The following NRG1 variants were observed in gnomAD, a reference collection of about 807,000 sequenced individuals.
NRG1 encodes pro-neuregulin-1, membrane-bound isoform.
Under a neutral mutation model 63.8 loss-of-function variants are expected in NRG1, and 18 were observed. That is an observed-to-expected ratio of 0.28 (90% confidence interval 0.19 to 0.42). NRG1 has a LOEUF of 0.42. Among genes scored for constraint, NRG1 ranks in the 10% least tolerant of loss-of-function variants. NRG1 has a pLI of 1.00. For missense variants in NRG1, 762 were observed against 814.7 expected (o/e 0.94, Z 0.79); for synonymous variants, 302 against 301.3 (o/e 1.00, Z -0.02).
At chr8:32,116,254 A>G (rs1832697870) in intron 1 of NRG1, among the ~76,000 whole-genome samples, 1 of 152,030 alleles carries the variant, frequency 6.6e-6, no homozygotes, top group Admixed American at 6.6e-5. Flanking sequence ...TTTGTCTTTC[A>G]GCACTTGGGG....
At chr8:32,431,941 G>A (rs1818201074) in intron 1 of NRG1, among the ~76,000 whole-genome samples, 1 of 152,154 alleles carries the variant, frequency 6.6e-6, no homozygotes, top group South Asian at 2.1e-4. Context: ...AAATGTCACA[G>A]GGAAAAGGTG....
At chr8:32,614,585 A>G in intron 4 of NRG1, 21 bp downstream of exon 4, 1 of 1,609,194 alleles carries the variant, frequency 6.2e-7, no homozygotes, top group Non-Finnish European at 8.5e-7. Flanking sequence ...TAAGCCTGGC[A>G]AATTTTACTA....
chr8:32,614,555 G>C (rs1165656574), exon 4 of NRG1: 1 of 1,611,746 alleles, frequency 6.2e-7, no homozygotes, highest in Non-Finnish European at 8.5e-7. Flanking sequence ...AGGAGCATAT[G>C]TGTCTTCAGG....
At chr8:31,682,496 C>T (rs1808440215) in intron 1 of NRG1, among the ~76,000 whole-genome samples, 1 of 152,114 alleles carries the variant, frequency 6.6e-6, no homozygotes, top group African/African-American at 2.4e-5. Flanking sequence ...ACTATATACA[C>T]ACATTGTACT....
At chr8:32,683,594 T>C (rs1809288715) in intron 5 of NRG1, among the ~76,000 whole-genome samples, 1 of 152,152 alleles carries the variant, frequency 6.6e-6, no homozygotes, top group Non-Finnish European at 1.5e-5. Flanking sequence ...CCTGCAATTC[T>C]GCCAGGAGAA....
intron 5 of NRG1, chr8:32,648,178 A>G: frequency 6.2e-7 from 1 of 1,614,102 alleles, no homozygotes; most frequent in Non-Finnish European, 8.5e-7. Context: ...AGTGAGGTTC[A>G]AGTTACAGTG....
intron 1 of NRG1, among the ~76,000 whole-genome samples, chr8:31,690,334 C>T (rs924651273): frequency 6.6e-6 from 1 of 152,110 alleles, no homozygotes; most frequent in Non-Finnish European, 1.5e-5. Context: ...AGGAGTTAGT[C>T]ATGGGGTGTC....
chr8:31,822,311 G>A (rs907156762), intron 1 of NRG1, among the ~76,000 whole-genome samples: 6 of 152,090 alleles, frequency 3.9e-5, no homozygotes, highest in Non-Finnish European at 7.4e-5. Flanking sequence ...ATCTCTATGT[G>A]GATGCTCACA....
At chr8:32,145,913 C>T (rs115980247) in intron 1 of NRG1, among the ~76,000 whole-genome samples, 17 of 152,216 alleles carry the variant, frequency 1.1e-4, no homozygotes, top group African/African-American at 2.6e-4. Context: ...CATAAGATGC[C>T]GCATACTCTC....
rs1474202834 is a variant in NRG1, at chr8:32,159,441, G to A, written c.38-436387G>A. ...CCCAGCTACTCTGGAGGCTGAGGCAGGAGAATGGCGTGAACCCAGGAAGCG... is the reference window on the plus strand; with the variant it reads ...CCCAGCTACTCTGGAGGCTGAGGCAAGAGAATGGCGTGAACCCAGGAAGCG... On this transcript the variant is annotated intron_variant, in intron 1 of 10. Transcript: ENST00000519301. Among the ~76,000 whole-genome samples, 4 of 149,240 alleles carry A rather than the reference G, an allele frequency of 2.7e-5. No homozygotes were observed. The South Asian group carries it at 8.4e-4, about 31-fold the overall frequency.
At chr8:31,745,398 C>G (rs983387649) in intron 1 of NRG1, among the ~76,000 whole-genome samples, 14 of 151,790 alleles carry the variant, frequency 9.2e-5, no homozygotes, top group Non-Finnish European at 1.9e-4. Context: ...CTCGGTGGTT[C>G]AGATGTGGGT....
chr8:32,344,372 T>TTTTTTTTCTTTCTTTCTTTCTTCC, intron 1 of NRG1, among the ~76,000 whole-genome samples: 1 of 58,676 alleles, frequency 1.7e-5, no homozygotes, highest in Non-Finnish European at 3.9e-5. Context: ...CTTTCTTTCT[T>TTTTTTTTCTTTCTTTCTTTCTTCC]TCTTTCTTTC....
intron 1 of NRG1, among the ~76,000 whole-genome samples, chr8:32,398,956 A>G (rs1286634929): frequency 6.6e-6 from 1 of 152,220 alleles, no homozygotes; most frequent in Non-Finnish European, 1.5e-5. Context: ...TTGCAATATC[A>G]TAGAAACCTT....
intron 1 of NRG1, among the ~76,000 whole-genome samples, chr8:31,701,549 C>T (rs62506916): frequency 0.23 from 34,214 of 151,604 alleles, 4,845 homozygotes; most frequent in East Asian, 0.66. Context: ...AAGCAGAACC[C>T]GAGGTAATGT....
chr8:32,562,330 C>A (rs1161353668), intron 1 of NRG1, among the ~76,000 whole-genome samples: 1 of 152,092 alleles, frequency 6.6e-6, no homozygotes, highest in African/African-American at 2.4e-5. Flanking sequence ...TCACTGTAGC[C>A]TGGGACTCCT....
exon 12 of NRG1, chr8:32,763,761 A>T: frequency 6.4e-7 from 1 of 1,554,564 alleles, no homozygotes; most frequent in Non-Finnish European, 8.7e-7. Context: ...TGTGTCAGCC[A>T]TGACCACCCC....
intron 7 of NRG1, among the ~76,000 whole-genome samples, chr8:32,753,181 C>T (rs534581354): frequency 2.0e-5 from 3 of 152,248 alleles, no homozygotes; most frequent in African/African-American, 7.2e-5. Context: ...AAGTGAACAG[C>T]TTACACTGCT....
At chr8:32,260,772 G>C (rs1850275680) in intron 1 of NRG1, among the ~76,000 whole-genome samples, 1 of 152,138 alleles carries the variant, frequency 6.6e-6, no homozygotes, top group East Asian at 1.9e-4. Flanking sequence ...CTGTGACTCA[G>C]GGTAGCAGTA....
intron 1 of NRG1, among the ~76,000 whole-genome samples, chr8:31,844,674 C>G (rs1388374772): frequency 6.6e-6 from 1 of 152,164 alleles, no homozygotes; most frequent in African/African-American, 2.4e-5. Flanking sequence ...CAGCTCTACT[C>G]ATCTGTGAAG....
Sources: gnomAD v4.1 joint callset for allele counts (sites outside exome capture counted in the v4.1 genomes callset) on GRCh38, gnomAD v4.1.1 for gene constraint, MANE v1.5 for transcripts, NCBI Gene and HGNC (gene_info 2026-07-23, HGNC 2026-07-21) for gene names.